The following FAM163A variants were observed in gnomAD, a reference collection of about 807,000 sequenced individuals.
FAM163A encodes protein FAM163A.
Under a neutral mutation model 12.0 loss-of-function variants are expected in FAM163A, and 7 were observed. That is an observed-to-expected ratio of 0.58 (90% confidence interval 0.33 to 1.10). FAM163A has a LOEUF of 1.10. Ranked by LOEUF, FAM163A falls within the 50% of genes least tolerant of loss-of-function variation. The pLI is 0.03. For synonymous variants in FAM163A, 101 were observed against 91.0 expected, an observed-to-expected ratio of 1.11 and a Z score of -0.62; for missense variants, 202 against 218.6, an observed-to-expected ratio of 0.92 and a Z score of 0.48.
chr1:179,783,176 G>A (rs1262621515), intron 1 of FAM163A, among the ~76,000 whole-genome samples: 1 of 150,756 alleles, frequency 6.6e-6, no homozygotes, highest in Admixed American at 6.6e-5. Flanking sequence ...CATTCAAAAT[G>A]CAGAATGCCA....
intron 1 of FAM163A, among the ~76,000 whole-genome samples, chr1:179,767,799 A>G (rs919099191): frequency 1.3e-5 from 2 of 152,038 alleles, no homozygotes; most frequent in African/African-American, 4.8e-5. Context: ...ATGGCCCTCT[A>G]ATTCCTATAG....
chr1:179,779,971 A>T (rs941549407), intron 1 of FAM163A, among the ~76,000 whole-genome samples: 2 of 152,244 alleles, frequency 1.3e-5, no homozygotes, highest in Admixed American at 1.3e-4. Context: ...ATATGAAAAC[A>T]CTATAAAACT....
Position 179,814,133 on chromosome 1 carries a change from C to G in FAM163A, c.448C>G (p.Pro150Ala), listed in dbSNP as rs1471875377. Reference protein sequence around the residue: ...AAPQSYPVTWPGSGREAFTNP... With the variant: ...AAPQSYPVTWAGSGREAFTNP... ...ACCCCAGAGTTACCCGGTGACCTGGCCAGGCTCTGGGCGTGAGGCCTTCAC... is the reference window on the plus strand; with the variant it reads ...ACCCCAGAGTTACCCGGTGACCTGGGCAGGCTCTGGGCGTGAGGCCTTCAC... The change falls in exon 5 of 5, where the codon CCA becomes GCA. Residue 150 changes from proline (P) to alanine (A), a missense_variant. Coordinates refer to ENST00000341785, the MANE Select transcript of FAM163A (RefSeq NM_173509.3). The G allele has an allele frequency of 6.2e-7, 1 of 1,614,174 alleles. No homozygotes were observed.
At chr1:179,731,817 C>A in the FAM163A span, among the ~76,000 whole-genome samples, 1 of 152,196 alleles carries the variant, frequency 6.6e-6, no homozygotes, top group Non-Finnish European at 1.5e-5. Context: ...AATATTACAT[C>A]ATTGTAAAAG....
intron 1 of FAM163A, among the ~76,000 whole-genome samples, chr1:179,787,432 C>T (rs1018002680): frequency 1.3e-5 from 2 of 152,168 alleles, no homozygotes; most frequent in South Asian, 2.1e-4. Context: ...GCCCCTGCCC[C>T]GAAGGTTCCC....
In FAM163A at chr1:179,780,863, G is replaced by A. The variant is rs76748439; in HGVS notation, c.-135-26935G>A. Reference sequence around the variant, plus strand: ...CAGCTAGACCAGAGCTGTATTACCAGACTTTCATCACAGAATCAGAGTGTT... The same window carrying A: ...CAGCTAGACCAGAGCTGTATTACCAAACTTTCATCACAGAATCAGAGTGTT... On this transcript the variant is annotated intron_variant, in intron 1 of 4. Transcript: ENST00000341785. 8.8e-3 allele frequency among the ~76,000 whole-genome samples: 1,335 copies of A among 152,304 alleles called. 17 individuals are homozygous for A. The highest frequency in any genetic ancestry group is 0.031 in the African/African-American group (1,270 of 41,554).
chr1:179,760,812 C>T (rs1286280590), intron 1 of FAM163A, among the ~76,000 whole-genome samples: 10 of 152,206 alleles, frequency 6.6e-5, no homozygotes, highest in Admixed American at 5.9e-4. Context: ...CTGCTTAAGA[C>T]CTCTCAAGGT....
the FAM163A span, among the ~76,000 whole-genome samples, chr1:179,732,615 C>T: frequency 6.6e-6 from 1 of 152,120 alleles, no homozygotes; most frequent in Non-Finnish European, 1.5e-5. Flanking sequence ...GATGCGGTGG[C>T]TCACACCTGC....
chr1:179,788,356 T>C (rs1199591426), intron 1 of FAM163A, among the ~76,000 whole-genome samples: 1 of 152,226 alleles, frequency 6.6e-6, no homozygotes, highest in Non-Finnish European at 1.5e-5. Context: ...ACTGCATTTG[T>C]TAACCATCTG....
At chr1:179,731,798 CAAAAGGCAAATATTACATCATTGT>C in the FAM163A span, among the ~76,000 whole-genome samples, 2 of 152,144 alleles carry the variant, frequency 1.3e-5, no homozygotes, top group Admixed American at 1.3e-4. Flanking sequence ...GTCATATTTG[CAAAAGGCAAATATTACATCATTGT>C]AAAAGGCAAA....
At chr1:179,754,931 GT>G (rs1188210501) in intron 1 of FAM163A, among the ~76,000 whole-genome samples, 2 of 152,184 alleles carry the variant, frequency 1.3e-5, no homozygotes, top group Non-Finnish European at 2.9e-5. Flanking sequence ...GAGCCCAGGA[GT>G]TTGAGACCAG....
chr1:179,812,304 G>A (rs1048559244), intron 3 of FAM163A, among the ~76,000 whole-genome samples, 173 bp downstream of exon 3: 4 of 152,138 alleles, frequency 2.6e-5, no homozygotes, highest in African/African-American at 7.2e-5. Flanking sequence ...CCTCTGTCCT[G>A]TTCATTCAGC....
chr1:179,767,045 C>A (rs750219021), intron 1 of FAM163A, among the ~76,000 whole-genome samples: 1 of 152,148 alleles, frequency 6.6e-6, no homozygotes, highest in Non-Finnish European at 1.5e-5. Context: ...CATGAACCAC[C>A]GCCCCCGGCC....
the FAM163A span, among the ~76,000 whole-genome samples, chr1:179,732,750 G>A: frequency 1.3e-5 from 2 of 151,752 alleles, no homozygotes; most frequent in East Asian, 1.9e-4. Context: ...GCGTGGTGGT[G>A]CGTGCTTGTA....
intron 1 of FAM163A, among the ~76,000 whole-genome samples, chr1:179,748,972 T>C (rs895020050): frequency 6.6e-6 from 1 of 152,256 alleles, no homozygotes; most frequent in Non-Finnish European, 1.5e-5. Context: ...ACTATGATTT[T>C]TCATGTGTGT....
At position 179,789,009 on chromosome 1, in the gene FAM163A, C is replaced by G. The variant is rs145174253; in HGVS notation, c.-135-18789C>G. 3.5e-4 allele frequency among the ~76,000 whole-genome samples: 54 copies of G among 152,350 alleles called. 1 individual carries two copies. In the East Asian group the frequency reaches 0.01, roughly 28 times the overall value. ...ACATGTCAGCCTCCACTCTCCAGCC[C>G]ATGCTGACATGGAGCAGGCCTCCCA... On this transcript the variant is annotated intron_variant, in intron 1 of 4. Coordinates refer to ENST00000341785, the MANE Select transcript of FAM163A (RefSeq NM_173509.3).
intron 1 of FAM163A, among the ~76,000 whole-genome samples, chr1:179,791,621 A>G (rs1017834443): frequency 6.6e-6 from 1 of 152,220 alleles, no homozygotes; most frequent in Admixed American, 6.5e-5. Context: ...CATGGAGCTG[A>G]TCTTCCAGGT....
Position 179,813,691 on chromosome 1 carries a change from G to A in FAM163A, c.94-88G>A, listed in dbSNP as rs1487687378. 4 of 1,472,402 alleles carry A rather than the reference G, an allele frequency of 2.7e-6. No homozygotes were observed. In the East Asian group the frequency reaches 7.1e-5, roughly 26 times the overall value. 91.2% of individuals were successfully genotyped at this position (1,472,402 alleles called of 1,614,324 possible). ...CTGGCACTAGGTTCTCCATGGAGCA[G>A]GGGACAGGGGCACCTGTGCACGCTC... On this transcript the variant is annotated intron_variant, in intron 4 of 4. Coordinates refer to ENST00000341785, the MANE Select transcript of FAM163A (RefSeq NM_173509.3).
chr1:179,782,262 G>A (rs565287240), intron 1 of FAM163A, among the ~76,000 whole-genome samples: 1 of 152,164 alleles, frequency 6.6e-6, no homozygotes, highest in African/African-American at 2.4e-5. Flanking sequence ...TTCTGGCAGG[G>A]GCAGCAGTGG....
Sources: gnomAD v4.1 joint callset for allele counts (sites outside exome capture counted in the v4.1 genomes callset) on GRCh38, gnomAD v4.1.1 for gene constraint, MANE v1.5 for transcripts, NCBI Gene and HGNC (gene_info 2026-07-23, HGNC 2026-07-21) for gene names.